The following FKBP9 variants were observed in gnomAD, a reference collection of about 807,000 sequenced individuals.
FKBP9 encodes the protein peptidyl-prolyl cis-trans isomerase FKBP9.
In FKBP9, 27 loss-of-function variants were observed where a neutral mutation model predicts 55.6. That is an observed-to-expected ratio of 0.49 (90% CI 0.36 to 0.67). The LOEUF (loss-of-function observed/expected upper bound fraction) is 0.67, where lower values mean the gene tolerates loss of function less well. Among genes scored for constraint, FKBP9 ranks in the 30% least tolerant of loss-of-function variants. FKBP9 has a pLI of 0.00. For synonymous variants in FKBP9, 267 were observed against 296.5 expected (o/e 0.90, Z 1.02); for missense variants, 539 against 742.8 (o/e 0.73, Z 3.19).
At chr7:32,963,838 T>G in intron 1 of FKBP9, 2 of 1,050,846 alleles carry the variant, frequency 1.9e-6, no homozygotes, top group Non-Finnish European at 2.5e-6. Flanking sequence ...AAACTGGACT[T>G]TCTCACTTCT....
At chr7:33,001,186 C>T (rs1424389949) in intron 8 of FKBP9, among the ~76,000 whole-genome samples, 1 of 152,044 alleles carries the variant, frequency 6.6e-6, no homozygotes, top group Non-Finnish European at 1.5e-5. Context: ...ATATTTTTTC[C>T]CCGTAAAAGA....
chr7:32,961,923 G>A (rs1390086195), intron 1 of FKBP9, among the ~76,000 whole-genome samples: 2 of 151,962 alleles, frequency 1.3e-5, no homozygotes, highest in Non-Finnish European at 2.9e-5. Flanking sequence ...ATTATGGTGA[G>A]TTGTATAATT....
At chr7:32,998,641 C>T (rs931940121) in intron 7 of FKBP9, 2 of 152,250 alleles carry the variant, frequency 1.3e-5, no homozygotes, top group African/African-American at 4.8e-5. Flanking sequence ...TTGGCCAGCA[C>T]CTGCCTATCT....
intron 7 of FKBP9, among the ~76,000 whole-genome samples, chr7:32,999,300 GC>G (rs1214171226): frequency 1.3e-5 from 2 of 152,102 alleles, no homozygotes; most frequent in Non-Finnish European, 2.9e-5. Context: ...GGGTCAGGGG[GC>G]TTTTCTCCTT....
At chr7:32,965,820 T>A (rs1182595961) in intron 1 of FKBP9, among the ~76,000 whole-genome samples, 1,393 of 15,384 alleles carry the variant, frequency 0.091, 41 homozygotes, top group Non-Finnish European at 0.12. Flanking sequence ...AAAATATATA[T>A]ATATATATAT....
At position 33,002,788 on chromosome 7, in the gene FKBP9, C is replaced by G; in HGVS notation, c.1485C>G (p.Asn495Lys). 2 of 1,614,188 alleles carry G rather than the reference C, an allele frequency of 1.2e-6. No individual in the cohort carries two copies. Among genetic ancestry groups the G allele is most frequent in the Non-Finnish European group, 1.7e-6 (2 of 1,180,032 alleles). ...MFIWNGEVSP[N>K]LFEEIDKDGN... ...TATGGAATGGTGAGGTGTCACCCAA[C>G]CTCTTTGAAGAAATTGACAAGGATG... The change falls in exon 9 of 10, where the codon AAC becomes AAG. Residue 495 changes from asparagine (N) to lysine (K), a missense_variant. Asn to Lys is a moderately conservative substitution (Grantham distance 94, BLOSUM62 0). This residue lies in a region of FKBP9 where 102 missense variants were observed against 200.7 expected (regional missense o/e 0.51). Coordinates refer to ENST00000242209, the MANE Select transcript of FKBP9 (RefSeq NM_007270.5).
At chr7:32,962,075 A>G (rs1187978099) in intron 1 of FKBP9, among the ~76,000 whole-genome samples, 1 of 152,082 alleles carries the variant, frequency 6.6e-6, no homozygotes, top group East Asian at 1.9e-4. Flanking sequence ...CTTGGGGCCA[A>G]AAAGGTTGGG....
At chr7:32,958,959 C>T (rs1332832568) in intron 1 of FKBP9, among the ~76,000 whole-genome samples, 1 of 152,162 alleles carries the variant, frequency 6.6e-6, no homozygotes, top group Non-Finnish European at 1.5e-5. Flanking sequence ...TGCTATGTGC[C>T]CCAAGGCCTA....
chr7:32,997,679 T>C (rs1159368593), intron 7 of FKBP9, among the ~76,000 whole-genome samples: 4 of 152,128 alleles, frequency 2.6e-5, no homozygotes, highest in Non-Finnish European at 4.4e-5. Context: ...AATACAAAAA[T>C]TAGCCGGGCG....
At chr7:32,976,271 T>G in intron 3 of FKBP9, 83 bp from the exon 4 acceptor site, 1 of 1,541,396 alleles carries the variant, frequency 6.5e-7, no homozygotes, top group Non-Finnish European at 9.0e-7. Context: ...TAGCTGATAT[T>G]TGGGTAAGAA....
At chr7:32,987,103 G>A (rs574912215) in intron 5 of FKBP9, among the ~76,000 whole-genome samples, 18 of 152,202 alleles carry the variant, frequency 1.2e-4, no homozygotes, top group Admixed American at 9.2e-4. Flanking sequence ...CCAGGGTGGC[G>A]GGGTGAGCAG....
At chr7:32,982,275 C>G (rs1306700919) in intron 5 of FKBP9, among the ~76,000 whole-genome samples, 1 of 152,156 alleles carries the variant, frequency 6.6e-6, no homozygotes, top group African/African-American at 2.4e-5. Flanking sequence ...CCCAACGCAG[C>G]CTCCCAAAGT....
chr7:32,996,654 C>CTTCT (rs1023412005), intron 7 of FKBP9, among the ~76,000 whole-genome samples: 1 of 146,044 alleles, frequency 6.8e-6, no homozygotes, highest in Non-Finnish European at 1.5e-5. Context: ...TCCTTCCTTC[C>CTTCT]TTCCTTGCTC....
chr7:32,976,772 C>T (rs1395831728), intron 4 of FKBP9, among the ~76,000 whole-genome samples: 2 of 152,202 alleles, frequency 1.3e-5, no homozygotes, highest in African/African-American at 4.8e-5. Context: ...TCATTTCCAT[C>T]ACTCAGAAAG....
intron 1 of FKBP9, among the ~76,000 whole-genome samples, chr7:32,966,486 C>T (rs896149306): frequency 6.6e-5 from 10 of 152,128 alleles, no homozygotes; most frequent in African/African-American, 2.4e-4. Context: ...CCACCCTTCA[C>T]CTGTTCCATT....
At position 32,974,737 on chromosome 7, in the gene FKBP9, G is replaced by C. The variant is rs189188511; in HGVS notation, c.342G>C (p.Lys114Asn). Residue 114 changes from lysine to asparagine, a missense_variant, in exon 2 of 10, where the codon AAG becomes AAC. Physicochemically the swap from Lys to Asn is moderately conservative, Grantham distance 94. Transcript: ENST00000242209. The part of the protein sequence containing the change: ...NERRFVKIPP[K>N]LAYGNEGVSG... ...GACGTTTCGTGAAGATTCCCCCAAA[G>C]CTTGCCTACGGAAATGAAGGAGTTT... 4.3e-6 allele frequency: 7 copies of C among 1,613,800 alleles called. No individual in the cohort carries two copies. Among genetic ancestry groups the C allele is most frequent in the East Asian group, 2.2e-5 (1 of 44,872 alleles).
chr7:33,002,702 T>C lies in FKBP9; in HGVS notation c.1399T>C (p.Leu467=). Residue 467 remains leucine, a synonymous_variant, in exon 9 of 10, where the codon TTA becomes CTA. Transcript: ENST00000242209. ...VDGEVPGSAV[L]VFDIELLELV... ...TGGAGAAGTGCCCGGCAGTGCCGTA[T>C]TAGTGTTTGACATTGAGCTGCTGGA... 2.5e-6 allele frequency: 4 copies of C among 1,614,072 alleles called. No homozygotes were observed. Among genetic ancestry groups the C allele is most frequent in the Non-Finnish European group, 3.4e-6 (4 of 1,179,976 alleles).
intron 1 of FKBP9, among the ~76,000 whole-genome samples, chr7:32,960,763 C>T (rs1784005664): frequency 6.6e-6 from 1 of 152,180 alleles, no homozygotes; most frequent in Admixed American, 6.6e-5. Context: ...TATGCTTCTT[C>T]CCCATCCCTA....
intron 1 of FKBP9, 43 bp downstream of exon 1, chr7:32,957,837 G>A: frequency 1.5e-6 from 2 of 1,356,650 alleles, no homozygotes; most frequent in Non-Finnish European, 1.9e-6. Flanking sequence ...GCGGATGCGC[G>A]TCCCTCTCTC....
Sources: allele counts gnomAD v4.1 joint callset (sites outside exome capture counted in the v4.1 genomes callset), GRCh38; gene constraint gnomAD v4.1.1; regional missense constraint gnomAD v4.1.1; transcripts MANE v1.5; gene names NCBI Gene and HGNC (gene_info 2026-07-23, HGNC 2026-07-21).